Variants in PPFIBP1 observed in about 807,000 individuals in gnomAD.
PPFIBP1 encodes liprin-beta-1.
In PPFIBP1, 112 loss-of-function variants were observed where a neutral mutation model predicts 137.8. The observed-to-expected ratio is 0.81, with a 90% CI of 0.70 to 0.95. The LOEUF is 0.95. PPFIBP1 is among the 40% of genes least tolerant of loss of function. The probability of loss-of-function intolerance (pLI) is 0.00; values close to 1 mark genes in which losing one functional copy is unlikely to be tolerated. For missense variants in PPFIBP1, 1,083 were observed against 1,196.6 expected (o/e 0.91, Z 1.40); for synonymous variants, 378 against 417.3 (o/e 0.91, Z 1.15).
At chr12:27,614,112 T>A (rs1433911895) in intron 2 of PPFIBP1, among the ~76,000 whole-genome samples, 2 of 152,090 alleles carry the variant, frequency 1.3e-5, no homozygotes, top group Non-Finnish European at 2.9e-5. Flanking sequence ...GCATGGTGGC[T>A]CATGCCTGTA....
At chr12:27,653,240 G>A (rs1256359362) in intron 7 of PPFIBP1, among the ~76,000 whole-genome samples, 2 of 152,090 alleles carry the variant, frequency 1.3e-5, no homozygotes, top group South Asian at 4.1e-4. Flanking sequence ...GGATAATTTT[G>A]TCCTGTAGTC....
intron 1 of PPFIBP1, among the ~76,000 whole-genome samples, chr12:27,566,879 A>G (rs569323156): frequency 6.6e-6 from 1 of 152,346 alleles, no homozygotes; most frequent in South Asian, 2.1e-4. Context: ...GGAGGGAAAG[A>G]AAGGATCAGT....
chr12:27,654,810 C>T lies in PPFIBP1; in HGVS notation c.692C>T (p.Thr231Ile), dbSNP rs2059095966. ...CAGTATGAAAAAAAGCTTAAATCAA[C>T]CAAAGTAAGTTTTTCTCACAGGTTA... is the stretch of plus-strand genomic sequence containing the variant. ...RLQYEKKLKSTKDELASLKEQ... is the reference protein window; with the variant it reads ...RLQYEKKLKSIKDELASLKEQ... Residue 231 changes from threonine to isoleucine, a missense_variant, in exon 8 of 30, where the codon ACC becomes ATC. Coordinates refer to ENST00000228425, the MANE Select transcript of PPFIBP1 (RefSeq NM_003622.4). 6.2e-7 allele frequency: 1 copy of T among 1,611,512 alleles called. No individual in the cohort carries two copies. The highest frequency in any genetic ancestry group is 1.1e-5 in the South Asian group (1 of 90,392).
chr12:27,647,970 A>G lies in PPFIBP1; in HGVS notation c.471+128A>G, dbSNP rs573684999. ...ATTCATTTAGACCAGCACATTAAAA[A>G]AAAAAAATTGAGAGTAGTAGAGTCT... On this transcript the variant is annotated intron_variant, in intron 6 of 29. Coordinates refer to ENST00000228425, the MANE Select transcript of PPFIBP1 (RefSeq NM_003622.4). 4.0e-5 allele frequency: 50 copies of G among 1,265,714 alleles called. No homozygotes were observed. In the African/African-American group the frequency reaches 6.6e-4, roughly 17 times the overall value. 78.4% of individuals were successfully genotyped at this position (1,265,714 alleles called of 1,614,324 possible).
intron 2 of PPFIBP1, among the ~76,000 whole-genome samples, chr12:27,598,031 C>T (rs1299969385): frequency 1.3e-5 from 2 of 152,148 alleles, no homozygotes; most frequent in Non-Finnish European, 2.9e-5. Flanking sequence ...TGTCAAACTC[C>T]TGACCTCAGG....
intron 1 of PPFIBP1, among the ~76,000 whole-genome samples, chr12:27,573,064 T>C (rs1229318423): frequency 2.0e-5 from 3 of 152,230 alleles, no homozygotes; most frequent in Non-Finnish European, 4.4e-5. Flanking sequence ...GGGCTCCATG[T>C]AACTAACACA....
chr12:27,677,414 G>A lies in PPFIBP1; in HGVS notation c.1615+318G>A, dbSNP rs527280352. 1.2e-5 allele frequency: 5 copies of A among 403,250 alleles called. No homozygotes were observed. The South Asian group carries it at 2.7e-4, about 21-fold the overall frequency. 25.0% of individuals were successfully genotyped at this position (403,250 alleles called of 1,614,324 possible). A position where few individuals can be genotyped will look rare whatever the true frequency, so the allele number is the denominator to read the frequency against. On this transcript the variant is annotated intron_variant, in intron 19 of 29. Coordinates refer to ENST00000228425, the MANE Select transcript of PPFIBP1 (RefSeq NM_003622.4). Reference sequence around the variant, plus strand: ...TGTACATTGCAGCTCTTTCAGCCTTGAAGTGCATATTACCACACACTAACT... The same window carrying A: ...TGTACATTGCAGCTCTTTCAGCCTTAAAGTGCATATTACCACACACTAACT...
At position 27,676,752 on chromosome 12, in the gene PPFIBP1, G is replaced by A. The variant is rs897860869; in HGVS notation, c.1582+153G>A. On this transcript the variant is annotated intron_variant, in intron 18 of 29. Transcript: ENST00000228425. ...GGGGAATTTAGCAAAAAATGCCTCC[G>A]TGGATTTAATTTAGTGTTGTGAAGA... 2.2e-5 allele frequency: 17 copies of A among 774,148 alleles called. No homozygotes were observed. In the Admixed American group the frequency reaches 3.1e-4, roughly 14 times the overall value. 48.0% of individuals were successfully genotyped at this position (774,148 alleles called of 1,614,324 possible).
intron 1 of PPFIBP1, among the ~76,000 whole-genome samples, chr12:27,563,377 A>T (rs1296479018): frequency 6.7e-6 from 1 of 148,778 alleles, no homozygotes; most frequent in Non-Finnish European, 1.5e-5. Flanking sequence ...GAATTGCTTG[A>T]ACCTGGGAGG....
intron 7 of PPFIBP1, among the ~76,000 whole-genome samples, chr12:27,651,869 A>G (rs2058896845): frequency 1.3e-5 from 2 of 152,102 alleles, no homozygotes; most frequent in East Asian, 3.8e-4. Flanking sequence ...TGCTTTTTTT[A>G]ATCAAATCTC....
intron 2 of PPFIBP1, chr12:27,593,805 C>A: frequency 2.7e-6 from 3 of 1,111,476 alleles, no homozygotes; most frequent in South Asian, 1.9e-5. Flanking sequence ...CTGTCTGGTT[C>A]GTCCTGAATT....
chr12:27,680,444 C>T (rs1300906050), intron 21 of PPFIBP1, among the ~76,000 whole-genome samples: 1 of 152,228 alleles, frequency 6.6e-6, no homozygotes, highest in Middle Eastern at 3.2e-3. Context: ...TTACCACTTT[C>T]TACCAGCTGG....
chr12:27,525,986 T>G (rs993704283), intron 1 of PPFIBP1, among the ~76,000 whole-genome samples: 2 of 152,252 alleles, frequency 1.3e-5, no homozygotes, highest in Admixed American at 1.3e-4. Context: ...TATTTTGGCT[T>G]AAGACACAGA....
At chr12:27,597,298 G>T (rs1446486942) in intron 2 of PPFIBP1, among the ~76,000 whole-genome samples, 2 of 152,190 alleles carry the variant, frequency 1.3e-5, no homozygotes, top group Admixed American at 1.3e-4. Flanking sequence ...CTCCTGAGTA[G>T]CTGGGATTAC....
chr12:27,604,990 A>G (rs537536071), intron 2 of PPFIBP1, among the ~76,000 whole-genome samples: 49 of 152,272 alleles, frequency 3.2e-4, no homozygotes, highest in African/African-American at 1.1e-3. Context: ...CACTATCACA[A>G]GAACAGCATG....
At chr12:27,655,053 C>T (rs1368071444) in intron 8 of PPFIBP1, 1 of 1,106,734 alleles carries the variant, frequency 9.0e-7, no homozygotes. Flanking sequence ...TTGTATCTAA[C>T]CTCCTTTATA....
intron 2 of PPFIBP1, among the ~76,000 whole-genome samples, chr12:27,595,885 AAATATAT>A (rs2053199191): frequency 6.0e-4 from 70 of 116,290 alleles, no homozygotes; most frequent in South Asian, 1.1e-3. Flanking sequence ...AACAACAACA[AAATATAT>A]ATATATATAT....
In PPFIBP1 at chr12:27,635,081, C is replaced by A. The variant is rs1312783858; in HGVS notation, c.236C>A (p.Ala79Glu). The change falls in exon 4 of 30, where the codon GCA (alanine) becomes GAA (glutamate). Residue 79 changes from alanine (A) to glutamate (E), a missense_variant. Ala to Glu is a moderately radical substitution (Grantham distance 107). Transcript: ENST00000228425. ...AGATGCCAGATCCCAGATTCAACAG[C>A]AGAAACGCTTGTTGAATGGCTTCAG... ...GLRCQIPDST[A>E]ETLVEWLQSQ... is the part of the protein sequence containing the mutation. 1 of 1,614,176 alleles carries A rather than the reference C, an allele frequency of 6.2e-7. No homozygotes were observed. The highest frequency in any genetic ancestry group is 1.7e-5 in the Admixed American group (1 of 60,022).
chr12:27,568,552 T>C (rs995395234), intron 1 of PPFIBP1, among the ~76,000 whole-genome samples: 1 of 152,334 alleles, frequency 6.6e-6, no homozygotes, highest in African/African-American at 2.4e-5. Flanking sequence ...GAAGCAGATA[T>C]GATGCCAGGA....
Sources: gnomAD v4.1 joint callset for allele counts (sites outside exome capture counted in the v4.1 genomes callset) on GRCh38, gnomAD v4.1.1 for gene constraint, MANE v1.5 for transcripts, NCBI Gene and HGNC (gene_info 2026-07-23, HGNC 2026-07-21) for gene names.